Variants in TRAPPC9 observed in about 807,000 individuals in gnomAD.
TRAPPC9 encodes the protein trafficking protein particle complex subunit 9, also known as IKK2 binding protein.
In TRAPPC9, 83 loss-of-function variants were observed where a neutral mutation model predicts 124.0. The ratio of observed to expected loss-of-function variants is 0.67; its 90% confidence interval spans 0.56 to 0.80. The LOEUF (loss-of-function observed/expected upper bound fraction) is 0.80, where lower values mean the gene tolerates loss of function less well. Among genes scored for constraint, TRAPPC9 ranks in the 30% least tolerant of loss-of-function variants. The pLI is 0.00. For missense variants in TRAPPC9, 1,302 were observed against 1,508.3 expected (o/e 0.86, Z 2.27); for synonymous variants, 638 against 617.5 (o/e 1.03, Z -0.49).
At chr8:140,399,713 G>A (rs1382365952) in intron 6 of TRAPPC9, among the ~76,000 whole-genome samples, 1 of 152,174 alleles carries the variant, frequency 6.6e-6, no homozygotes, top group Admixed American at 6.5e-5. Context: ...TCTCAGATGA[G>A]ACTTTGAAGT....
intron 21 of TRAPPC9, among the ~76,000 whole-genome samples, chr8:139,760,896 G>A (rs746313721): frequency 4.6e-5 from 7 of 152,164 alleles, no homozygotes; most frequent in Non-Finnish European, 8.8e-5. Context: ...GGGAATTACC[G>A]GAGCTACAAA....
At chr8:140,021,262 T>A (rs1382039604) in intron 18 of TRAPPC9, among the ~76,000 whole-genome samples, 1 of 152,232 alleles carries the variant, frequency 6.6e-6, no homozygotes, top group Non-Finnish European at 1.5e-5. Flanking sequence ...TGGCTTATCA[T>A]CCATTCCTTA....
In TRAPPC9 at chr8:139,792,172, T is replaced by C. The variant is rs188177082; in HGVS notation, c.3056-59970A>G. Among the ~76,000 whole-genome samples, 147 of 152,266 alleles carry C rather than the reference T, an allele frequency of 9.7e-4. 1 individual carries two copies. The highest frequency in any genetic ancestry group is 3.4e-3 in the African/African-American group (140 of 41,558). ...TAGAGAGCACAGTCCCCCATTCCTG[T>C]CTGCTGGGGAGACAGACACTCAGAC... On this transcript the variant is annotated intron_variant, in intron 21 of 22. Coordinates refer to ENST00000438773, the MANE Select transcript of TRAPPC9 (RefSeq NM_001160372.4).
At chr8:139,898,452 T>G (rs1830804270) in intron 20 of TRAPPC9, among the ~76,000 whole-genome samples, 1 of 152,228 alleles carries the variant, frequency 6.6e-6, no homozygotes, top group Non-Finnish European at 1.5e-5. Context: ...AGAAACCTGA[T>G]GGTAGCTTTC....
At chr8:139,905,190 T>G (rs933126880) in intron 20 of TRAPPC9, among the ~76,000 whole-genome samples, 4 of 151,900 alleles carry the variant, frequency 2.6e-5, no homozygotes, top group South Asian at 4.2e-4. Context: ...CCAGGGAAAC[T>G]GCACAGACAT....
At chr8:139,892,526 G>A (rs1188882088) in intron 20 of TRAPPC9, among the ~76,000 whole-genome samples, 1 of 152,250 alleles carries the variant, frequency 6.6e-6, no homozygotes, top group African/African-American at 2.4e-5. Context: ...ATAGGCCAGA[G>A]GGCTGGCCCT....
At chr8:140,431,001 G>A (rs746950137) in intron 4 of TRAPPC9, among the ~76,000 whole-genome samples, 3 of 151,996 alleles carry the variant, frequency 2.0e-5, no homozygotes, top group Non-Finnish European at 2.9e-5. Flanking sequence ...CTCTTGTCTC[G>A]TCTCTCAGTT....
In TRAPPC9 at chr8:139,728,484, T is replaced by C. The variant is rs1817661508; in HGVS notation, c.*2577A>G. ...GGCCCTGGAAGAGGCTGGAGGATAC[T>C]GCGCTGTCACTGAGACACCTGCCCC... On this transcript the variant is annotated 3_prime_UTR_variant, in exon 23 of 23. Coordinates refer to ENST00000438773, the MANE Select transcript of TRAPPC9 (RefSeq NM_001160372.4). 1.3e-5 allele frequency among the ~76,000 whole-genome samples: 2 copies of C among 152,350 alleles called. No homozygotes were observed. The highest frequency in any genetic ancestry group is 2.1e-4 in the South Asian group (1 of 4,830).
chr8:140,317,718 A>G lies in TRAPPC9; in HGVS notation c.1496-6344T>C, dbSNP rs1382157315. Among the ~76,000 whole-genome samples the G allele has an allele frequency of 1.3e-5, 2 of 152,200 alleles. 1 individual carries two copies. Among genetic ancestry groups the G allele is most frequent in the Non-Finnish European group, 2.9e-5 (2 of 68,032 alleles). On this transcript the variant is annotated intron_variant, in intron 9 of 22. Transcript: ENST00000438773. ...GAAGAAAGTCATGTCCCTACCCACA[A>G]TTACATTTACTGAGCACTTACGATG... is the stretch of plus-strand genomic sequence containing the variant.
chr8:140,363,266 G>C (rs189396558), intron 8 of TRAPPC9, among the ~76,000 whole-genome samples: 1 of 152,220 alleles, frequency 6.6e-6, no homozygotes, highest in Non-Finnish European at 1.5e-5. Context: ...AAGCCGGCAA[G>C]TACACACAGC....
chr8:140,404,962 G>C, intron 6 of TRAPPC9, among the ~76,000 whole-genome samples: 1 of 146,474 alleles, frequency 6.8e-6, no homozygotes, highest in African/African-American at 2.5e-5. Context: ...TAGGCATAAA[G>C]GTCATGGAGG....
chr8:140,030,257 C>G (rs1253407461), intron 17 of TRAPPC9, among the ~76,000 whole-genome samples: 1 of 152,138 alleles, frequency 6.6e-6, no homozygotes, highest in African/African-American at 2.4e-5. Flanking sequence ...TTTTTGTAAG[C>G]ATTGTACTTG....
intron 17 of TRAPPC9, among the ~76,000 whole-genome samples, chr8:140,120,987 G>T (rs1055774744): frequency 6.6e-6 from 1 of 152,210 alleles, no homozygotes; most frequent in African/African-American, 2.4e-5. Context: ...GATGTGAGGG[G>T]CATATGCCAT....
chr8:140,118,707 C>G (rs1358921103), intron 17 of TRAPPC9, among the ~76,000 whole-genome samples: 1 of 152,172 alleles, frequency 6.6e-6, no homozygotes, highest in Non-Finnish European at 1.5e-5. Context: ...GAACTGGGGG[C>G]TGAGACAGCT....
At chr8:139,735,799 C>T (rs1030797739) in intron 21 of TRAPPC9, among the ~76,000 whole-genome samples, 4 of 152,092 alleles carry the variant, frequency 2.6e-5, no homozygotes, top group African/African-American at 4.8e-5. Flanking sequence ...TCTGTACAAC[C>T]CCTTGGGAAG....
intron 17 of TRAPPC9, chr8:140,094,808 T>C (rs1844816166): frequency 1.3e-5 from 2 of 152,214 alleles, no homozygotes; most frequent in African/African-American, 4.8e-5. Context: ...TCCTTCATTT[T>C]CTGGGTCTAA....
intron 14 of TRAPPC9, among the ~76,000 whole-genome samples, chr8:140,278,127 A>C: frequency 6.7e-6 from 1 of 149,042 alleles, no homozygotes; most frequent in Non-Finnish European, 1.5e-5. Context: ...TTTTTTTGAG[A>C]TAGTCTCGCT....
At chr8:139,897,932 G>A (rs779543936) in intron 20 of TRAPPC9, among the ~76,000 whole-genome samples, 18 of 152,372 alleles carry the variant, frequency 1.2e-4, no homozygotes, top group African/African-American at 2.2e-4. Flanking sequence ...TGAAGAGGGC[G>A]AGAGCCCCTT....
upstream of TRAPPC9, chr8:140,458,354 A>C (rs1379527980): frequency 1.3e-6 from 2 of 1,589,866 alleles, no homozygotes; most frequent in African/African-American, 2.8e-5. Context: ...GCGGAAGCCC[A>C]CTGTGGATCC....
Sources: gnomAD v4.1 joint callset for allele counts (sites outside exome capture counted in the v4.1 genomes callset) on GRCh38, gnomAD v4.1.1 for gene constraint, MANE v1.5 for transcripts, NCBI Gene and HGNC (gene_info 2026-07-23, HGNC 2026-07-21) for gene names.